The following ZNF365 variants were observed in gnomAD, a reference collection of about 807,000 sequenced individuals.
ZNF365 encodes zinc finger protein 365.
A neutral mutation model predicts 35.0 loss-of-function variants in ZNF365; 22 were observed. The observed-to-expected ratio is 0.63, with a 90% confidence interval of 0.45 to 0.90. The LOEUF is 0.90. ZNF365 is among the 40% of genes least tolerant of loss of function. The pLI is 0.00. For missense variants in ZNF365, 448 were observed against 500.3 expected (o/e 0.90, Z 1.00); for synonymous variants, 188 against 196.2 (o/e 0.96, Z 0.35).
intron 4 of ZNF365, among the ~76,000 whole-genome samples, chr10:62,462,432 G>A (rs2132482291): frequency 6.6e-6 from 1 of 152,362 alleles, no homozygotes; most frequent in African/African-American, 2.4e-5. Context: ...TCAGAAGGGA[G>A]GAGGCTGTGT....
At chr10:62,415,146 G>A (rs1013187239) in intron 3 of ZNF365, among the ~76,000 whole-genome samples, 3 of 151,904 alleles carry the variant, frequency 2.0e-5, no homozygotes, top group Non-Finnish European at 4.4e-5. Context: ...TAGGTTACCC[G>A]TGGCTCTATT....
intron 4 of ZNF365, among the ~76,000 whole-genome samples, chr10:62,471,192 C>T (rs2132490304): frequency 1.3e-5 from 2 of 152,008 alleles, no homozygotes; most frequent in South Asian, 2.1e-4. Context: ...TGGTGAAACC[C>T]TGTCTCTACT....
At chr10:62,374,993 G>A (rs1176542893) in intron 1 of ZNF365, among the ~76,000 whole-genome samples, 1 of 152,192 alleles carries the variant, frequency 6.6e-6, no homozygotes, top group Non-Finnish European at 1.5e-5. Context: ...GGGGCCGGGG[G>A]CTTCACCTAG....
chr10:62,407,784 G>A (rs1339340228), intron 3 of ZNF365, among the ~76,000 whole-genome samples: 2 of 152,140 alleles, frequency 1.3e-5, no homozygotes, highest in Non-Finnish European at 2.9e-5. Flanking sequence ...AAAATACATG[G>A]TATTTCCTTC....
At chr10:62,421,615 A>G (rs766600855) in intron 3 of ZNF365, among the ~76,000 whole-genome samples, 3 of 152,216 alleles carry the variant, frequency 2.0e-5, no homozygotes, top group Admixed American at 6.5e-5. Context: ...ACATTGGCAT[A>G]CTCACTGTTG....
intron 4 of ZNF365, among the ~76,000 whole-genome samples, chr10:62,468,877 G>A (rs1180507600): frequency 1.3e-5 from 2 of 152,196 alleles, no homozygotes; most frequent in South Asian, 2.1e-4. Flanking sequence ...AAACCACTGT[G>A]CCCAGATCAA....
chr10:62,398,612 G>A (rs984263217), intron 3 of ZNF365, 128 bp from the exon 4 acceptor site: 13 of 760,352 alleles, frequency 1.7e-5, no homozygotes, highest in African/African-American at 1.4e-4. Context: ...GCTGCAGGTC[G>A]TGCTACCAGT....
chr10:62,419,003 G>A (rs1187817855), intron 3 of ZNF365, among the ~76,000 whole-genome samples: 1 of 142,666 alleles, frequency 7.0e-6, no homozygotes, highest in African/African-American at 2.5e-5. Flanking sequence ...ATACACGTCT[G>A]AAGAACATTA....
At chr10:62,408,087 T>C (rs1428083094) in intron 3 of ZNF365, among the ~76,000 whole-genome samples, 1 of 152,208 alleles carries the variant, frequency 6.6e-6, no homozygotes, top group Non-Finnish European at 1.5e-5. Flanking sequence ...GAAAGGGCAC[T>C]GATCTTGGCA....
intron 3 of ZNF365, among the ~76,000 whole-genome samples, chr10:62,436,750 G>A (rs966444530): frequency 1.3e-5 from 2 of 152,134 alleles, no homozygotes; most frequent in African/African-American, 2.4e-5. Flanking sequence ...AACCAATTGG[G>A]ATCTAGTAAG....
chr10:62,416,245 G>GA (rs201929194), intron 3 of ZNF365, among the ~76,000 whole-genome samples: 3,171 of 140,742 alleles, frequency 0.023, 65 homozygotes, highest in East Asian at 0.09. Flanking sequence ...AATATTACCA[G>GA]AAAAAAAAAA....
chr10:62,375,997 A>G, intron 1 of ZNF365, 184 bp from the exon 2 acceptor site: 1 of 601,104 alleles, frequency 1.7e-6, no homozygotes, highest in Middle Eastern at 3.3e-4. Context: ...GCAGCAGTAA[A>G]TAATGCAGAA....
At chr10:62,425,266 G>A (rs1343893029) in intron 3 of ZNF365, among the ~76,000 whole-genome samples, 12 of 152,052 alleles carry the variant, frequency 7.9e-5, no homozygotes, top group African/African-American at 2.7e-4. Context: ...AGAAAAGGTT[G>A]ATAAATTTTA....
chr10:62,429,148 C>T (rs1187394717), intron 3 of ZNF365, among the ~76,000 whole-genome samples: 2 of 152,136 alleles, frequency 1.3e-5, no homozygotes, highest in Non-Finnish European at 2.9e-5. Context: ...ATGGGAGCTT[C>T]CCAGCCTCCA....
At chr10:62,406,629 G>A (rs1346436829), downstream of ZNF365, among the ~76,000 whole-genome samples, 1 of 152,164 alleles carries the variant, frequency 6.6e-6, no homozygotes, top group South Asian at 2.1e-4. Flanking sequence ...TCCAGCTGGG[G>A]AGGATCAAAG....
chr10:62,425,343 A>G (rs1840235288), intron 3 of ZNF365, among the ~76,000 whole-genome samples: 1 of 152,198 alleles, frequency 6.6e-6, no homozygotes, highest in Non-Finnish European at 1.5e-5. Context: ...AAAAATACAT[A>G]ATCTCAATAT....
chr10:62,417,281 G>A (rs1840090076), intron 3 of ZNF365, among the ~76,000 whole-genome samples: 1 of 152,092 alleles, frequency 6.6e-6, no homozygotes, highest in South Asian at 2.1e-4. Context: ...AGTGTTTGGA[G>A]TAGACTACTT....
chr10:62,474,698 A>C (rs765166992), intron 4 of ZNF365, among the ~76,000 whole-genome samples: 4 of 152,210 alleles, frequency 2.6e-5, no homozygotes, highest in Non-Finnish European at 5.9e-5. Flanking sequence ...TCAGATATGC[A>C]TATTCACCTT....
intron 3 of ZNF365, among the ~76,000 whole-genome samples, chr10:62,430,212 A>G (rs1200866417): frequency 1.3e-5 from 2 of 151,834 alleles, no homozygotes; most frequent in Non-Finnish European, 2.9e-5. Context: ...GACATTTTTA[A>G]AGGTTCTAAT....
Sources: allele counts gnomAD v4.1 joint callset (sites outside exome capture counted in the v4.1 genomes callset), GRCh38; gene constraint gnomAD v4.1.1; transcripts MANE v1.5; gene names NCBI Gene and HGNC (gene_info 2026-07-23, HGNC 2026-07-21).